PKHD1: variants seen among roughly 807,000 people sequenced by gnomAD.
The protein encoded by PKHD1 is PKHD1 ciliary IPT domain containing fibrocystin/polyductin.
In PKHD1, 291 loss-of-function variants were observed where a neutral mutation model predicts 412.0. The ratio of observed to expected loss-of-function variants is 0.71; its 90% CI spans 0.64 to 0.78. The LOEUF is 0.78. Ranked by LOEUF, PKHD1 falls within the 30% of genes least tolerant of loss-of-function variation. PKHD1 has a pLI of 0.00. For synonymous variants in PKHD1, 1,777 were observed against 1,821.5 expected (o/e 0.98, Z 0.62); for missense variants, 4,825 against 4,950.7 (o/e 0.97, Z 0.76).
At chr6:51,772,590 C>T in intron 55 of PKHD1, 112 bp downstream of exon 55, 3 of 582,752 alleles carry the variant, frequency 5.1e-6, no homozygotes, top group Middle Eastern at 2.7e-4. Flanking sequence ...CTTGCTCATC[C>T]TTTAATTATA....
chr6:51,737,444 A>G (rs1783995120), intron 60 of PKHD1, among the ~76,000 whole-genome samples: 1 of 152,168 alleles, frequency 6.6e-6, no homozygotes, highest in Admixed American at 6.5e-5. Context: ...TTTTATTCAA[A>G]TAATTAAGAT....
At chr6:52,077,238 T>C (rs1460735847) in intron 5 of PKHD1, among the ~76,000 whole-genome samples, 1 of 152,112 alleles carries the variant, frequency 6.6e-6, no homozygotes, top group African/African-American at 2.4e-5. Flanking sequence ...AGGAACTCCA[T>C]CTCACCTGTA....
intron 6 of PKHD1, 148 bp from the exon 7 acceptor site, chr6:52,073,689 C>T (rs921472798): frequency 1.8e-5 from 12 of 659,988 alleles, no homozygotes; most frequent in African/African-American, 1.6e-4. Flanking sequence ...AATTGTACAA[C>T]AGTAAGGTCA....
At position 52,073,455 on chromosome 6, in the gene PKHD1, A is replaced by C; in HGVS notation, c.527+8T>G. The C allele has an allele frequency of 6.4e-7, 1 of 1,572,372 alleles. No individual in the cohort carries two copies. Among genetic ancestry groups the C allele is most frequent in the Non-Finnish European group, 8.8e-7 (1 of 1,142,200 alleles). ...ACTAGTTAAACACAAAAACAAACAC[A>C]CACTTACCTATCAATGTACTCAGCA... On this transcript the variant is annotated splice_region_variant and intron_variant, in intron 7 of 66. Transcript: ENST00000371117.
rs146519878 is a variant in PKHD1, at chr6:51,747,828, A to G, written c.9788T>C (p.Val3263Ala). Residue 3263 changes from valine to alanine, a missense_variant, in exon 58 of 67, where the codon GTG becomes GCG. Transcript: ENST00000371117. ...TCCTGAAATTGAATGATCATTCCTC[A>G]CTTTGTGCCATGGCTCCTGAGGCCA... ...NQWPQEPWHK[V>A]RNDHSISGIM... The G allele has an allele frequency of 3.0e-3, 4,846 of 1,613,826 alleles. 14 individuals are homozygous for G. The highest frequency in any genetic ancestry group is 3.8e-3 in the Non-Finnish European group (4,432 of 1,179,812).
intron 43 of PKHD1, among the ~76,000 whole-genome samples, chr6:51,896,068 C>G (rs112531099): frequency 0.12 from 18,825 of 152,238 alleles, 1,507 homozygotes; most frequent in Non-Finnish European, 0.19. Flanking sequence ...GATCAAACTG[C>G]AAGTCGGTAG....
intron 37 of PKHD1, among the ~76,000 whole-genome samples, chr6:51,924,750 G>C (rs1785252099): frequency 6.6e-6 from 1 of 152,180 alleles, no homozygotes; most frequent in Non-Finnish European, 1.5e-5. Flanking sequence ...GAGGTATCAA[G>C]AATGACAACC....
At chr6:51,896,218 CACAG>C (rs1779955662) in intron 43 of PKHD1, among the ~76,000 whole-genome samples, 1 of 149,552 alleles carries the variant, frequency 6.7e-6, no homozygotes, top group Non-Finnish European at 1.5e-5. Context: ...GGGGGCAGGG[CACAG>C]ACAAACAGAC....
intron 29 of PKHD1, among the ~76,000 whole-genome samples, chr6:52,031,594 G>A (rs898893139): frequency 3.9e-5 from 6 of 152,124 alleles, no homozygotes; most frequent in Admixed American, 3.3e-4. Flanking sequence ...CATTTTTCCT[G>A]ACTGCAGAAA....
intron 55 of PKHD1, among the ~76,000 whole-genome samples, chr6:51,770,652 ATTAT>A (rs1789932070): frequency 7.1e-6 from 1 of 140,966 alleles, no homozygotes; most frequent in African/African-American, 2.6e-5. Context: ...TTTCTATTTT[ATTAT>A]TTATTTTATG....
intron 53 of PKHD1, among the ~76,000 whole-genome samples, chr6:51,779,785 T>C (rs1231069300): frequency 4.7e-5 from 6 of 128,754 alleles, no homozygotes; most frequent in Non-Finnish European, 1.8e-5. Flanking sequence ...AACACAACTG[T>C]TGCTAAAAAA....
chr6:51,631,949 T>C lies in PKHD1; in HGVS notation c.11665+616A>G, dbSNP rs548737551. On this transcript the variant is annotated intron_variant, in intron 65 of 66. Transcript: ENST00000371117. The stretch of plus-strand genomic sequence containing the variant: ...ATTCTTTTTTTTTTTCTTTTTTTTT[T>C]TTTTTATTGTGACAGAATTTCACTC... 2.3e-4 allele frequency among the ~76,000 whole-genome samples: 35 copies of C among 150,704 alleles called. No individual in the cohort carries two copies. The South Asian group carries it at 7.4e-3, about 32-fold the overall frequency.
At chr6:52,053,293 C>A (rs925019884) in intron 20 of PKHD1, 42 bp from the exon 21 acceptor site, 30 of 1,601,848 alleles carry the variant, frequency 1.9e-5, no homozygotes, top group Non-Finnish European at 2.6e-5. Context: ...TCAGGGAGCA[C>A]TTGCAGTCCT....
intron 60 of PKHD1, chr6:51,720,951 T>A: frequency 1.0e-6 from 1 of 978,328 alleles, no homozygotes; most frequent in Non-Finnish European, 1.2e-6. Context: ...AAATGTCACA[T>A]TGACTTTATG....
At chr6:51,720,785 G>GTGTGTGTGTA (rs1167022876) in intron 60 of PKHD1, 102 of 142,568 alleles carry the variant, frequency 7.2e-4, no homozygotes, top group African/African-American at 2.5e-3. Flanking sequence ...GTGTGTGTGT[G>GTGTGTGTGTA]TATATATATA....
intron 47 of PKHD1, among the ~76,000 whole-genome samples, chr6:51,868,853 C>T (rs184103107): frequency 1.3e-5 from 2 of 152,194 alleles, no homozygotes; most frequent in East Asian, 3.9e-4. Context: ...ACACCACTGC[C>T]ATGTGACTCA....
intron 60 of PKHD1, among the ~76,000 whole-genome samples, chr6:51,669,382 C>A (rs549299060): frequency 6.6e-6 from 1 of 151,996 alleles, no homozygotes; most frequent in Non-Finnish European, 1.5e-5. Context: ...TCTGTGGGAT[C>A]GGTGGTGATA....
At chr6:51,997,012 G>A (rs1467051102) in intron 35 of PKHD1, among the ~76,000 whole-genome samples, 1 of 152,224 alleles carries the variant, frequency 6.6e-6, no homozygotes, top group Non-Finnish European at 1.5e-5. Flanking sequence ...CCATTACCCT[G>A]AGCAGAGGGA....
intron 22 of PKHD1, among the ~76,000 whole-genome samples, chr6:52,049,651 A>G (rs143224480): frequency 6.6e-6 from 1 of 152,186 alleles, no homozygotes; most frequent in African/African-American, 2.4e-5. Context: ...AGAAATGGTT[A>G]TTATGAAGCA....
Sources: allele counts gnomAD v4.1 joint callset (sites outside exome capture counted in the v4.1 genomes callset), GRCh38; gene constraint gnomAD v4.1.1; transcripts MANE v1.5; gene names NCBI Gene and HGNC (gene_info 2026-07-23, HGNC 2026-07-21).